Variants in AHCYL2 observed in about 807,000 individuals in gnomAD.
AHCYL2 encodes the protein S-adenosylhomocysteine hydrolase-like protein 2.
In AHCYL2, 28 loss-of-function variants were observed where a neutral mutation model predicts 81.4. That is an observed-to-expected ratio of 0.34 (90% CI 0.25 to 0.47). The LOEUF is 0.47. Among genes scored for constraint, AHCYL2 ranks in the 20% least tolerant of loss-of-function variants. The pLI, the probability that AHCYL2 is intolerant of heterozygous loss-of-function variation, is 1.00. For synonymous variants in AHCYL2, 272 were observed against 290.2 expected, an observed-to-expected ratio of 0.94 and a Z score of 0.64; for missense variants, 551 against 785.1, an observed-to-expected ratio of 0.70 and a Z score of 3.56.
At chr7:129,263,714 T>C (rs373090965) in intron 1 of AHCYL2, among the ~76,000 whole-genome samples, 2 of 152,356 alleles carry the variant, frequency 1.3e-5, no homozygotes, top group East Asian at 3.9e-4. Flanking sequence ...ATGTGCATTT[T>C]AGCAAGATTA....
In AHCYL2 at chr7:129,426,368, G is replaced by A; in HGVS notation, c.1709-75G>A. 6.2e-7 allele frequency: 1 copy of A among 1,610,928 alleles called. No homozygotes were observed. The highest frequency in any genetic ancestry group is 8.5e-7 in the Non-Finnish European group (1 of 1,177,640). ...TAGAAGGTGTCTTTGAACTTTTTAA[G>A]GCCTAGCTTGGGGACAATAGCCATC... On this transcript the variant is annotated intron_variant, in intron 15 of 16. Transcript: ENST00000325006. The surrounding 1 kb of genome is among the most constrained non-coding windows in gnomAD (Gnocchi z 4.3).
At chr7:129,413,433 G>A (rs575481830) in intron 11 of AHCYL2, among the ~76,000 whole-genome samples, 161 bp from the exon 12 acceptor site, 1 of 151,562 alleles carries the variant, frequency 6.6e-6, no homozygotes, top group Non-Finnish European at 1.5e-5. Flanking sequence ...GAGCCACCGC[G>A]CCTGGCCTGG....
At chr7:129,264,743 A>G (rs1026540974) in intron 1 of AHCYL2, among the ~76,000 whole-genome samples, 1 of 152,194 alleles carries the variant, frequency 6.6e-6, no homozygotes, top group African/African-American at 2.4e-5. Context: ...TAAGGTCTTT[A>G]TGGGCCACCC....
At chr7:129,414,460 G>A (rs996998585) in intron 12 of AHCYL2, among the ~76,000 whole-genome samples, 17 of 121,596 alleles carry the variant, frequency 1.4e-4, no homozygotes, top group South Asian at 1.1e-3. Context: ...TCACTCTGTC[G>A]CCCAGGCTGG....
At chr7:129,265,447 C>G (rs1255536820) in intron 1 of AHCYL2, among the ~76,000 whole-genome samples, 3 of 152,078 alleles carry the variant, frequency 2.0e-5, no homozygotes, top group African/African-American at 7.2e-5. Context: ...ATGGCATGAC[C>G]TTAAAGGGGC....
At chr7:129,381,371 C>G (rs948788735) in intron 2 of AHCYL2, among the ~76,000 whole-genome samples, 36 of 152,250 alleles carry the variant, frequency 2.4e-4, no homozygotes, top group Admixed American at 2.4e-3. Context: ...GTAATTAATG[C>G]TCTTAGTTTC....
At chr7:129,391,157 G>A (rs1039727854) in intron 4 of AHCYL2, among the ~76,000 whole-genome samples, 6 of 152,188 alleles carry the variant, frequency 3.9e-5, no homozygotes, top group Middle Eastern at 3.4e-3. Flanking sequence ...AGAAATAAAT[G>A]TGTTATTGAT....
intron 5 of AHCYL2, among the ~76,000 whole-genome samples, chr7:129,399,792 T>C (rs908693521): frequency 1.3e-5 from 2 of 148,952 alleles, no homozygotes; most frequent in Admixed American, 6.8e-5. Flanking sequence ...AGTGGCACGA[T>C]CTTGGCTCAC....
rs191242439 is a variant in AHCYL2, at chr7:129,250,112, G to T, written c.363+24673G>T. Among the ~76,000 whole-genome samples, 427 of 152,230 alleles carry T rather than the reference G, an allele frequency of 2.8e-3. 4 individuals carry two copies. Among genetic ancestry groups the T allele is most frequent in the African/African-American group, 9.7e-3 (403 of 41,542 alleles). ...AGGCCAGAGGTTGAGACTAGCCTGG[G>T]CAACTTAGCAAGAATCCATCTCTTC... On this transcript the variant is annotated intron_variant, in intron 1 of 16. Transcript: ENST00000325006.
At chr7:129,389,523 C>G in intron 3 of AHCYL2, 111 bp from the exon 4 acceptor site, 3 of 915,678 alleles carry the variant, frequency 3.3e-6, no homozygotes, top group East Asian at 2.6e-5. Context: ...GAAACCTAAT[C>G]TAACCTGATC....
rs565694998 is a variant in AHCYL2, at chr7:129,249,495, G to A, written c.363+24056G>A. On this transcript the variant is annotated intron_variant, in intron 1 of 16. Transcript: ENST00000325006. ...CTGCGGACTGCAGTGGCGCAATCTCGGCTCACTGCAAGCTCCGCTTCCCGG... is the reference window on the plus strand; with the variant it reads ...CTGCGGACTGCAGTGGCGCAATCTCAGCTCACTGCAAGCTCCGCTTCCCGG... Among the ~76,000 whole-genome samples, 437 of 151,574 alleles carry A rather than the reference G, an allele frequency of 2.9e-3. 2 individuals are homozygous for A. Among genetic ancestry groups the A allele is most frequent in the Non-Finnish European group, 4.5e-3 (304 of 67,890 alleles).
intron 1 of AHCYL2, among the ~76,000 whole-genome samples, chr7:129,237,259 C>G (rs1458039046): frequency 6.6e-6 from 1 of 152,066 alleles, no homozygotes; most frequent in East Asian, 1.9e-4. Context: ...TTCAATCCAT[C>G]TGGAATTAAT....
chr7:129,260,887 C>T (rs1584716423), intron 1 of AHCYL2, among the ~76,000 whole-genome samples: 1 of 152,254 alleles, frequency 6.6e-6, no homozygotes, highest in East Asian at 1.9e-4. Context: ...CTCCTGGGTT[C>T]AAGTGATTCT....
chr7:129,321,074 GT>G (rs965436117), intron 1 of AHCYL2, among the ~76,000 whole-genome samples: 5 of 151,818 alleles, frequency 3.3e-5, no homozygotes, highest in African/African-American at 1.2e-4. Context: ...CTTTAGTACA[GT>G]TTTTTTTGTA....
At chr7:129,228,150 T>C (rs112697081) in intron 1 of AHCYL2, among the ~76,000 whole-genome samples, 1,767 of 152,348 alleles carry the variant, frequency 0.012, 43 homozygotes, top group African/African-American at 0.04. Context: ...AGAATACTAG[T>C]ATTGAAATAG....
intron 1 of AHCYL2, among the ~76,000 whole-genome samples, chr7:129,361,878 G>A (rs1266756875): frequency 1.3e-5 from 2 of 151,918 alleles, no homozygotes; most frequent in African/African-American, 4.8e-5. Flanking sequence ...TAAGTTCCAG[G>A]TGCTAAGTGC....
At chr7:129,372,499 GT>G (rs1352987208) in intron 1 of AHCYL2, among the ~76,000 whole-genome samples, 1 of 152,128 alleles carries the variant, frequency 6.6e-6, no homozygotes, top group African/African-American at 2.4e-5. Context: ...TTTAGACCCT[GT>G]TTTGGGTGTA....
At chr7:129,294,769 A>G (rs1331425767) in intron 1 of AHCYL2, among the ~76,000 whole-genome samples, 1 of 152,200 alleles carries the variant, frequency 6.6e-6, no homozygotes, top group Non-Finnish European at 1.5e-5. Flanking sequence ...GTATAGAAAA[A>G]TCCTGGGACT....
chr7:129,371,960 G>C lies in AHCYL2; in HGVS notation c.364-7678G>C, dbSNP rs1794431083. Among the ~76,000 whole-genome samples the C allele has an allele frequency of 2.0e-5, 3 of 152,182 alleles. No homozygotes were observed. In the South Asian group the frequency reaches 6.2e-4, roughly 32 times the overall value. On this transcript the variant is annotated intron_variant, in intron 1 of 16. Coordinates refer to ENST00000325006, the MANE Select transcript of AHCYL2 (RefSeq NM_015328.4). ...AGAGACAAAAATCTCCAAAGTGTCT[G>C]ATAAATGGTGGTAGAGGTAGCTTGA...
Sources: gnomAD v4.1 joint callset for allele counts (sites outside exome capture counted in the v4.1 genomes callset) on GRCh38, gnomAD v4.1.1 for gene constraint, Gnocchi (gnomAD v3.1) non-coding constraint, MANE v1.5 for transcripts, NCBI Gene and HGNC (gene_info 2026-07-23, HGNC 2026-07-21) for gene names.